Variants in ABCC12 observed in about 807,000 individuals in gnomAD.
ABCC12 encodes the protein ATP-binding cassette sub-family C member 12.
In ABCC12, 142 loss-of-function variants were observed where a neutral mutation model predicts 151.1. That is an observed-to-expected ratio of 0.94 (90% confidence interval 0.82 to 1.08). ABCC12 has a LOEUF of 1.08. ABCC12 is among the 50% of genes least tolerant of loss of function. The pLI is 0.00. For missense variants in ABCC12, 1,638 were observed against 1,691.1 expected (o/e 0.97, Z 0.55); for synonymous variants, 645 against 646.4 (o/e 1.00, Z 0.03).
intron 22 of ABCC12, among the ~76,000 whole-genome samples, chr16:48,102,651 A>G (rs1308345559): frequency 6.6e-6 from 1 of 152,188 alleles, no homozygotes; most frequent in Non-Finnish European, 1.5e-5. Context: ...GCCCCTGCAC[A>G]GAGTCCAGCT....
intron 7 of ABCC12, 61 bp from the exon 8 acceptor site, chr16:48,138,436 A>C: frequency 6.5e-7 from 1 of 1,537,062 alleles, no homozygotes; most frequent in Non-Finnish European, 8.8e-7. Flanking sequence ...CTGGCCTAAA[A>C]ATCCAGAAAT....
Position 48,124,194 on chromosome 16 carries a change from CA to C in ABCC12, c.1587+18del. On this transcript the variant is annotated intron_variant, in intron 12 of 30. Transcript: ENST00000311303. ...TCATGTTAATGTTCCATCTTCACAG[CA>C]CTCATCACACAGCTTACCTGTCCTA... The C allele has an allele frequency of 6.2e-7, 1 of 1,611,940 alleles. No individual in the cohort carries two copies. Among genetic ancestry groups the C allele is most frequent in the South Asian group, 1.1e-5 (1 of 91,038 alleles).
At chr16:48,086,431 C>T (rs968262086) in intron 28 of ABCC12, 13 of 277,452 alleles carry the variant, frequency 4.7e-5, no homozygotes, top group African/African-American at 2.8e-4. Flanking sequence ...CTAGCCTGGG[C>T]ATGTTACTTC....
intron 14 of ABCC12, 64 bp from the exon 15 acceptor site, chr16:48,115,682 GC>G: frequency 6.8e-7 from 1 of 1,477,572 alleles, no homozygotes; most frequent in Non-Finnish European, 9.1e-7. Context: ...GGCAATGGAA[GC>G]TTCCTGGAGC....
At chr16:48,091,982 C>T (rs1314211310) in intron 24 of ABCC12, among the ~76,000 whole-genome samples, 1 of 152,076 alleles carries the variant, frequency 6.6e-6, no homozygotes, top group Non-Finnish European at 1.5e-5. Flanking sequence ...GGAGAAGTCA[C>T]CGAGGAGAAG....
chr16:48,097,767 A>G (rs1054747368), intron 23 of ABCC12, among the ~76,000 whole-genome samples: 4 of 152,150 alleles, frequency 2.6e-5, no homozygotes, highest in African/African-American at 7.2e-5. Flanking sequence ...AGAGGAGTGC[A>G]GTGTGAGGGC....
At position 48,105,293 on chromosome 16, in the gene ABCC12, C is replaced by G. The variant is rs1410889414; in HGVS notation, c.2519G>C (p.Gly840Ala). ...PQGNRTMCEV[G>A]AVLADIGQHV... ...CTGACCGATGTCTGCCAGCACCGCG[C>G]CGACCTCACACATGGTCCTGTTGCC... Residue 840 changes from glycine (G) to alanine (A), a missense_variant, in exon 21 of 31, where the codon GGC (glycine) becomes GCC (alanine). Coordinates refer to ENST00000311303, the MANE Select transcript of ABCC12 (RefSeq NM_001393797.1). 6.2e-7 allele frequency: 1 copy of G among 1,613,344 alleles called. No homozygotes were observed. Among genetic ancestry groups the G allele is most frequent in the Admixed American group, 1.7e-5 (1 of 59,954 alleles).
chr16:48,098,972 G>T (rs923071649), intron 23 of ABCC12, among the ~76,000 whole-genome samples: 5 of 152,172 alleles, frequency 3.3e-5, no homozygotes, highest in African/African-American at 1.2e-4. Flanking sequence ...TATGTGTGAG[G>T]CAGGACTCTT....
chr16:48,105,203 C>A lies in ABCC12; in HGVS notation c.2609G>T (p.Gly870Val), dbSNP rs368712624. 13 of 1,614,108 alleles carry A rather than the reference C, an allele frequency of 8.1e-6. No individual in the cohort carries two copies. The Admixed American group carries it at 8.3e-5, about 10-fold the overall frequency. ...VFMLVFGVTK[G>V]FVFTKTTLMA... ...CAGTGTGGTCTTGGTGAAGACGAAG[C>A]CTTTGGTGACGCCAAACACCAGCAT... Residue 870 changes from glycine (G) to valine (V), a missense_variant, in exon 21 of 31, where the codon GGC (glycine) becomes GTC (valine). Physicochemically the swap from Gly to Val is moderately radical, Grantham distance 109. Coordinates refer to ENST00000311303, the MANE Select transcript of ABCC12 (RefSeq NM_001393797.1).
rs779629498 is a variant in ABCC12 at position 48,084,023 on chromosome 16, G to T, written c.3879C>A (p.Thr1293=). ...ATASMDSKTD[T]LVQNTIKDAF... is the part of the protein sequence containing the mutation. ...CATCTTTGATGGTGTTCTGAACCAGGGTGTCAGTCTTGGAGTCCATAGAGG... is the reference window on the plus strand; with the variant it reads ...CATCTTTGATGGTGTTCTGAACCAGTGTGTCAGTCTTGGAGTCCATAGAGG... Residue 1293 remains threonine (T), a synonymous_variant, in exon 30 of 31, where the codon ACC becomes ACA. Coordinates refer to ENST00000311303, the MANE Select transcript of ABCC12 (RefSeq NM_001393797.1). 9.3e-6 allele frequency: 15 copies of T among 1,612,604 alleles called. No individual in the cohort carries two copies. Among genetic ancestry groups the T allele is most frequent in the Non-Finnish European group, 1.2e-5 (14 of 1,179,740 alleles).
intron 1 of ABCC12, among the ~76,000 whole-genome samples, chr16:48,155,005 C>T (rs1965165218): frequency 6.6e-6 from 1 of 152,256 alleles, no homozygotes; most frequent in African/African-American, 2.4e-5. Flanking sequence ...CTGGGGAGCT[C>T]TCCCAGGCCC....
At chr16:48,111,174 G>T (rs2150617401) in intron 18 of ABCC12, among the ~76,000 whole-genome samples, 1 of 152,286 alleles carries the variant, frequency 6.6e-6, no homozygotes, top group South Asian at 2.1e-4. Flanking sequence ...AGAAATTGTG[G>T]TTGGTACTAC....
Position 48,105,330 on chromosome 16 carries a change from A to G in ABCC12, c.2482T>C (p.Cys828Arg). The G allele has an allele frequency of 1.9e-6, 3 of 1,608,056 alleles. No individual in the cohort carries two copies. Among genetic ancestry groups the G allele is most frequent in the Non-Finnish European group, 2.5e-6 (3 of 1,177,594 alleles). Residue 828 changes from cysteine (C) to arginine (R), a missense_variant, in exon 21 of 31, where the codon TGT (cysteine) becomes CGT (arginine). Coordinates refer to ENST00000311303, the MANE Select transcript of ABCC12 (RefSeq NM_001393797.1). The part of the protein sequence containing the change: ...LWLDKGSRMT[C>R]GPQGNRTMCE... ...ATGGTCCTGTTGCCCTGGGGCCCAC[A>G]GGTCATCTTTGGAGAAAAACAAGAG...
intron 4 of ABCC12, among the ~76,000 whole-genome samples, chr16:48,142,210 G>T (rs541971690): frequency 6.6e-6 from 1 of 152,308 alleles, no homozygotes; most frequent in Admixed American, 6.5e-5. Context: ...GTCAAGAATA[G>T]GTCCAGCTTT....
In ABCC12 at chr16:48,087,986, T is replaced by C. The variant is rs1178901015; in HGVS notation, c.3575A>G (p.Asp1192Gly). 6.2e-7 allele frequency: 1 copy of C among 1,614,162 alleles called. No homozygotes were observed. The highest frequency in any genetic ancestry group is 8.5e-7 in the Non-Finnish European group (1 of 1,180,016). The part of the protein sequence containing the change: ...EVDICILSLE[D>G]LRTKLTVIPQ... The stretch of plus-strand genomic sequence containing the variant: ...GATCACAGTCAGCTTGGTTCTGAGG[T>C]CTTCCAAGCTGAGAATGCAGATATC... Residue 1192 changes from aspartate (D) to glycine (G), a missense_variant, in exon 27 of 31, where the codon GAC becomes GGC. Asp to Gly is a moderately conservative substitution (Grantham distance 94). Coordinates refer to ENST00000311303, the MANE Select transcript of ABCC12 (RefSeq NM_001393797.1).
intron 2 of ABCC12, among the ~76,000 whole-genome samples, chr16:48,148,585 T>C (rs1965073385): frequency 6.6e-6 from 1 of 151,982 alleles, no homozygotes; most frequent in African/African-American, 2.4e-5. Flanking sequence ...CAGCTGTAGA[T>C]TCCTAATTCA....
At chr16:48,134,857 C>A (rs537081900) in intron 8 of ABCC12, among the ~76,000 whole-genome samples, 1 of 152,008 alleles carries the variant, frequency 6.6e-6, no homozygotes, top group Non-Finnish European at 1.5e-5. Context: ...TCAAGACCAT[C>A]CTGGCTAACA....
At chr16:48,117,519 G>T (rs1419325818) in intron 13 of ABCC12, among the ~76,000 whole-genome samples, 186 bp from the exon 14 acceptor site, 2 of 152,216 alleles carry the variant, frequency 1.3e-5, no homozygotes, top group Admixed American at 6.5e-5. Flanking sequence ...GTGACCACTG[G>T]CCCCTCCCCT....
intron 13 of ABCC12, among the ~76,000 whole-genome samples, chr16:48,118,767 C>T (rs530489430): frequency 6.6e-6 from 1 of 152,186 alleles, no homozygotes; most frequent in South Asian, 2.1e-4. Context: ...GGTTGGTGTA[C>T]ATAGCAGTTA....
Sources: gnomAD v4.1 joint callset for allele counts (sites outside exome capture counted in the v4.1 genomes callset) on GRCh38, gnomAD v4.1.1 for gene constraint, MANE v1.5 for transcripts, NCBI Gene and HGNC (gene_info 2026-07-23, HGNC 2026-07-21) for gene names.